Variants in CACNB2 observed in about 807,000 individuals in gnomAD.
The protein encoded by CACNB2 is calcium voltage-gated channel auxiliary subunit beta 2.
Under a neutral mutation model 73.3 loss-of-function variants are expected in CACNB2, and 42 were observed. That is an observed-to-expected ratio of 0.57 (90% CI 0.45 to 0.74). The LOEUF (loss-of-function observed/expected upper bound fraction) is 0.74, where lower values mean the gene tolerates loss of function less well. CACNB2 is among the 30% of genes least tolerant of loss of function. The pLI is 0.00. For missense variants in CACNB2, 940 were observed against 853.0 expected, an observed-to-expected ratio of 1.10 and a Z score of -1.27; for synonymous variants, 348 against 310.3, an observed-to-expected ratio of 1.12 and a Z score of -1.28.
At chr10:18,181,629 T>TTTA (rs1554766332) in intron 2 of CACNB2, among the ~76,000 whole-genome samples, 1 of 133,994 alleles carries the variant, frequency 7.5e-6, no homozygotes. Context: ...TTTATTTTAT[T>TTTA]TTTGAGACAG....
chr10:18,300,918 A>G (rs1230350646), intron 2 of CACNB2, among the ~76,000 whole-genome samples: 1 of 152,202 alleles, frequency 6.6e-6, no homozygotes, highest in Non-Finnish European at 1.5e-5. Context: ...AAAAAGTAAC[A>G]GAATATTCAG....
chr10:18,386,488 C>T (rs543825142), intron 2 of CACNB2, among the ~76,000 whole-genome samples: 15 of 148,104 alleles, frequency 1.0e-4, no homozygotes, highest in Admixed American at 2.8e-4. Flanking sequence ...CTGCAAGCTC[C>T]GCCTCCTGGG....
intron 1 of CACNB2, among the ~76,000 whole-genome samples, chr10:18,150,450 G>A (rs1450694680): frequency 6.6e-6 from 1 of 152,222 alleles, no homozygotes; most frequent in African/African-American, 2.4e-5. Flanking sequence ...GATCACCTGA[G>A]GTTGGGAGTT....
intron 3 of CACNB2, among the ~76,000 whole-genome samples, chr10:18,429,380 T>C (rs527677154): frequency 2.0e-5 from 3 of 152,278 alleles, no homozygotes; most frequent in African/African-American, 7.2e-5. Flanking sequence ...ATGTTTCACT[T>C]TTTCCTGCTT....
At chr10:18,299,077 A>AT (rs1254009525) in intron 2 of CACNB2, among the ~76,000 whole-genome samples, 15 of 95,992 alleles carry the variant, frequency 1.6e-4, no homozygotes, top group Admixed American at 2.5e-4. Context: ...TAAAAAAAAA[A>AT]AAATAAAAAA....
intron 3 of CACNB2, among the ~76,000 whole-genome samples, chr10:18,431,167 G>A (rs917838548): frequency 1.3e-5 from 2 of 151,990 alleles, no homozygotes; most frequent in African/African-American, 4.8e-5. Flanking sequence ...TGTTTTTGTA[G>A]CGATGGGGTC....
At chr10:18,434,706 A>G (rs1589343742) in intron 3 of CACNB2, among the ~76,000 whole-genome samples, 1 of 152,288 alleles carries the variant, frequency 6.6e-6, no homozygotes, top group South Asian at 2.1e-4. Context: ...TGGCCCTAAA[A>G]AAATTATTGA....
At chr10:18,519,869 C>T (rs2133172642) in intron 9 of CACNB2, 1 of 392,438 alleles carries the variant, frequency 2.5e-6, no homozygotes. Context: ...AAATTTTCAG[C>T]CCTAATCTTA....
intron 3 of CACNB2, among the ~76,000 whole-genome samples, chr10:18,438,057 A>G (rs1403837091): frequency 9.6e-6 from 1 of 104,696 alleles, no homozygotes; most frequent in Admixed American, 1.6e-4. Context: ...TCGCTCTGTC[A>G]CCCAGGCTGG....
intron 3 of CACNB2, among the ~76,000 whole-genome samples, chr10:18,404,979 G>A (rs528256780): frequency 1.3e-5 from 2 of 152,286 alleles, no homozygotes; most frequent in Admixed American, 6.5e-5. Context: ...TTCCAAATGT[G>A]TGTTTTGATG....
intron 7 of CACNB2, 36 bp downstream of exon 7, chr10:18,514,405 C>T: frequency 6.2e-7 from 1 of 1,613,976 alleles, no homozygotes; most frequent in Non-Finnish European, 8.5e-7. Flanking sequence ...TGTCCACCTG[C>T]TCAACTGCAC....
chr10:18,512,115 G>A (rs552450255), intron 6 of CACNB2, among the ~76,000 whole-genome samples: 36 of 152,208 alleles, frequency 2.4e-4, no homozygotes, highest in Admixed American at 3.3e-4. Flanking sequence ...CACTTTTTAA[G>A]TACTATATTT....
intron 13 of CACNB2, among the ~76,000 whole-genome samples, chr10:18,538,597 T>C (rs1007076801): frequency 3.9e-5 from 6 of 152,158 alleles, no homozygotes; most frequent in African/African-American, 1.2e-4. Context: ...TAGCATAGAC[T>C]GTGGAAGTGG....
chr10:18,189,572 G>T (rs1005975377), intron 2 of CACNB2, among the ~76,000 whole-genome samples: 7 of 152,066 alleles, frequency 4.6e-5, no homozygotes, highest in African/African-American at 1.4e-4. Flanking sequence ...TGCTATGGCA[G>T]GATACTATTT....
intron 3 of CACNB2, among the ~76,000 whole-genome samples, chr10:18,486,723 G>A (rs890689565): frequency 2.0e-5 from 3 of 152,202 alleles, no homozygotes; most frequent in African/African-American, 7.2e-5. Context: ...AAGGCCAGGG[G>A]ATAGAGGGCA....
chr10:18,291,553 A>C (rs2039070580), intron 2 of CACNB2, among the ~76,000 whole-genome samples: 1 of 152,218 alleles, frequency 6.6e-6, no homozygotes, highest in African/African-American at 2.4e-5. Flanking sequence ...TAATGCCCAG[A>C]AGGAAGATGG....
chr10:18,169,307 G>T (rs554444508), intron 2 of CACNB2, among the ~76,000 whole-genome samples: 1 of 152,090 alleles, frequency 6.6e-6, no homozygotes, highest in East Asian at 1.9e-4. Context: ...GTTCAGGAAA[G>T]AATTTACATG....
chr10:18,170,166 G>T (rs2033129781), intron 2 of CACNB2, among the ~76,000 whole-genome samples: 1 of 152,230 alleles, frequency 6.6e-6, no homozygotes, highest in Admixed American at 6.5e-5. Flanking sequence ...CACTTTAGAG[G>T]TGGGAGAAAA....
intron 2 of CACNB2, among the ~76,000 whole-genome samples, chr10:18,169,192 T>C (rs1486860351): frequency 1.8e-5 from 2 of 112,026 alleles, no homozygotes; most frequent in African/African-American, 7.3e-5. Context: ...TTGGCATATA[T>C]ATTTTTAAAA....
Sources: allele counts gnomAD v4.1 joint callset (sites outside exome capture counted in the v4.1 genomes callset), GRCh38; gene constraint gnomAD v4.1.1; transcripts MANE v1.5; gene names NCBI Gene and HGNC (gene_info 2026-07-23, HGNC 2026-07-21).